SETDB2: variants seen among roughly 807,000 people sequenced by gnomAD.
SETDB2 encodes the protein histone-lysine N-methyltransferase SETDB2.
In SETDB2, 56 loss-of-function variants were observed where a neutral mutation model predicts 82.5. That is an observed-to-expected ratio of 0.68 (90% confidence interval 0.55 to 0.85). The LOEUF (loss-of-function observed/expected upper bound fraction) is 0.85. SETDB2 is among the 40% of genes least tolerant of loss of function. The pLI, the probability that SETDB2 is intolerant of heterozygous loss-of-function variation, is 0.00. For missense variants in SETDB2, 677 were observed against 816.4 expected (o/e 0.83, Z 2.08); for synonymous variants, 272 against 284.9 (o/e 0.95, Z 0.46).
intron 12 of SETDB2, chr13:49,489,333 G>A (rs999635156): frequency 1.5e-4 from 25 of 161,510 alleles, no homozygotes; most frequent in Non-Finnish European, 2.3e-4. Context: ...ATGAGGAAAT[G>A]GTATCATCTA....
intron 6 of SETDB2, among the ~76,000 whole-genome samples, chr13:49,477,560 C>T (rs1035903980): frequency 6.6e-5 from 10 of 152,204 alleles, no homozygotes; most frequent in Admixed American, 5.9e-4. Context: ...TCCAAGAATG[C>T]ATATTTCCTT....
Position 49,483,462 on chromosome 13 carries a change from A to T in SETDB2, c.1383-2A>T. The T allele has an allele frequency of 1.6e-6, 2 of 1,280,732 alleles. No individual in the cohort carries two copies. The highest frequency in any genetic ancestry group is 1.1e-6 in the Non-Finnish European group (1 of 928,168). 79.3% of individuals were successfully genotyped at this position (1,280,732 alleles called of 1,614,324 possible). On this transcript the variant is annotated splice_acceptor_variant, in intron 9 of 13. Coordinates refer to ENST00000611815, the MANE Select transcript of SETDB2 (RefSeq NM_001160308.3). LOFTEE classifies it high-confidence loss of function. ...ACAGAATAACTTTTTTTTCCTTTTTAGGGAAACGAAATATGATAATATTTC... is the reference window on the plus strand; with the variant it reads ...ACAGAATAACTTTTTTTTCCTTTTTTGGGAAACGAAATATGATAATATTTC...
At position 49,446,234 on chromosome 13, in the gene SETDB2, A is replaced by G. The variant is rs574176857; in HGVS notation, c.-342+1377A>G. ...GTACACTTTTACATTCTTTTACAGA[A>G]TTGGTACCTTGTAGATAAAGAGCAC... On this transcript the variant is annotated intron_variant, in intron 1 of 13. Coordinates refer to ENST00000611815, the MANE Select transcript of SETDB2 (RefSeq NM_001160308.3). Among the ~76,000 whole-genome samples, 6 of 152,370 alleles carry G rather than the reference A, an allele frequency of 3.9e-5. No individual in the cohort carries two copies. In the South Asian group the frequency reaches 1.2e-3, roughly 32 times the overall value.
chr13:49,450,635 G>A (rs1029068387), intron 1 of SETDB2, among the ~76,000 whole-genome samples: 3 of 152,022 alleles, frequency 2.0e-5, no homozygotes, highest in South Asian at 4.2e-4. Flanking sequence ...TCCCCAGAAG[G>A]GCCTTACTGA....
Position 49,482,639 on chromosome 13 carries a change from G to T in SETDB2, c.1157-98G>T, listed in dbSNP as rs949793167. ...AATGTGTTTATCTTCATTGTAGAAT[G>T]TGTGGGTTCTTTAGTCATGGAGTAG... is the stretch of plus-strand genomic sequence containing the variant. On this transcript the variant is annotated intron_variant, in intron 8 of 13. Transcript: ENST00000611815. 2.6e-4 allele frequency: 199 copies of T among 767,902 alleles called. 1 individual carries two copies. In the East Asian group the frequency reaches 5.2e-3, roughly 20 times the overall value. 47.6% of individuals were successfully genotyped at this position (767,902 alleles called of 1,614,324 possible).
At chr13:49,478,914 G>A (rs913532779) in intron 6 of SETDB2, among the ~76,000 whole-genome samples, 6 of 152,088 alleles carry the variant, frequency 3.9e-5, no homozygotes, top group African/African-American at 1.4e-4. Flanking sequence ...GCAACAGAGT[G>A]AGACCCCTTC....
intron 8 of SETDB2, 111 bp from the exon 9 acceptor site, chr13:49,482,626 T>C: frequency 1.4e-6 from 1 of 724,812 alleles, no homozygotes; most frequent in East Asian, 2.7e-5. Context: ...TGTGTTTATC[T>C]TCATTGTAGA....
intron 4 of SETDB2, among the ~76,000 whole-genome samples, chr13:49,464,571 A>G (rs1341054760): frequency 1.3e-5 from 2 of 152,184 alleles, no homozygotes; most frequent in Non-Finnish European, 2.9e-5. Flanking sequence ...TCTTTTAAGG[A>G]AATAATTTTA....
In SETDB2 at chr13:49,494,335, A is replaced by C. The variant is rs1305369167; in HGVS notation, c.*2486A>C. ...CGTATACATACACATACAGGCATGC[A>C]TCTCTGTATTCTTTCGGCATAATCT... On this transcript the variant is annotated 3_prime_UTR_variant, in exon 14 of 14. Transcript: ENST00000611815. 1 of 152,136 alleles carries C rather than the reference A, an allele frequency of 6.6e-6. No homozygotes were observed. Among genetic ancestry groups the C allele is most frequent in the African/African-American group, 2.4e-5 (1 of 41,414 alleles). 9.4% of individuals were successfully genotyped at this position (152,136 alleles called of 1,614,324 possible). A position where few individuals can be genotyped will look rare whatever the true frequency, so the allele number is the denominator to read the frequency against.
intron 2 of SETDB2, among the ~76,000 whole-genome samples, chr13:49,459,326 A>AC (rs747471188): frequency 6.6e-6 from 1 of 152,126 alleles, no homozygotes. Flanking sequence ...TGGACTGTCT[A>AC]CTCATTAATC....
chr13:49,459,382 G>A (rs939744809), intron 2 of SETDB2, among the ~76,000 whole-genome samples: 4 of 152,130 alleles, frequency 2.6e-5, no homozygotes, highest in African/African-American at 9.7e-5. Context: ...CAATTATTAC[G>A]ATGTCTTTCC....
intron 5 of SETDB2, among the ~76,000 whole-genome samples, chr13:49,468,495 G>A (rs1958160145): frequency 6.6e-6 from 1 of 151,622 alleles, no homozygotes; most frequent in Non-Finnish European, 1.5e-5. Context: ...TTTATTTTTA[G>A]TAGGTAATAC....
At chr13:49,463,009 T>C (rs1412910096) in intron 4 of SETDB2, among the ~76,000 whole-genome samples, 1 of 152,116 alleles carries the variant, frequency 6.6e-6, no homozygotes, top group Non-Finnish European at 1.5e-5. Context: ...GTGTTAATTT[T>C]TTTTTCTTTT....
intron 5 of SETDB2, among the ~76,000 whole-genome samples, chr13:49,469,618 C>CT (rs1006013726): frequency 6.6e-6 from 1 of 152,006 alleles, no homozygotes; most frequent in Non-Finnish European, 1.5e-5. Context: ...TCCTCCTTCC[C>CT]TTTTTAAAAA....
chr13:49,449,740 G>A (rs1957753891), intron 1 of SETDB2, among the ~76,000 whole-genome samples: 3 of 152,058 alleles, frequency 2.0e-5, no homozygotes, highest in African/African-American at 7.2e-5. Flanking sequence ...CTCCAGAAAA[G>A]AACATAATCT....
chr13:49,461,037 G>A, intron 3 of SETDB2, 60 bp from the exon 4 acceptor site: 1 of 1,280,662 alleles, frequency 7.8e-7, no homozygotes, highest in South Asian at 1.2e-5. Context: ...AAATTGTTTA[G>A]CACAGTAGCT....
chr13:49,482,799 G>C lies in SETDB2; in HGVS notation c.1219G>C (p.Glu407Gln). The C allele has an allele frequency of 6.2e-7, 1 of 1,612,740 alleles. No individual in the cohort carries two copies. The highest frequency in any genetic ancestry group is 2.2e-5 in the East Asian group (1 of 44,766). ...SYGIDENGRD[E>Q]NTMKNIFSKK... ...TGGTATTGATGAAAACGGGAGAGAT[G>C]AGAATACTATGAAAAATATATTTTC... The change falls in exon 9 of 14, where the codon GAG (glutamate) becomes CAG (glutamine). Residue 407 changes from glutamate (E) to glutamine (Q), a missense_variant. By Grantham distance (29) the Glu-to-Gln change is conservative (BLOSUM62 2). Transcript: ENST00000611815.
chr13:49,451,969 T>C (rs1028271382), intron 2 of SETDB2, 60 bp downstream of exon 2: 17 of 1,214,992 alleles, frequency 1.4e-5, no homozygotes, highest in Non-Finnish European at 1.7e-5. Context: ...ATATAGACAA[T>C]GTAAGCTGAT....
chr13:49,454,152 G>A (rs1173760147), intron 2 of SETDB2, among the ~76,000 whole-genome samples: 2 of 151,954 alleles, frequency 1.3e-5, no homozygotes, highest in African/African-American at 2.4e-5. Context: ...ACTGGGCACC[G>A]TGGCTTATAC....
Sources: allele counts gnomAD v4.1 joint callset (sites outside exome capture counted in the v4.1 genomes callset), GRCh38; gene constraint gnomAD v4.1.1; transcripts MANE v1.5; gene names NCBI Gene and HGNC (gene_info 2026-07-23, HGNC 2026-07-21).